SDC4: variants seen among roughly 807,000 people sequenced by gnomAD.
SDC4 encodes syndecan 4.
A neutral mutation model predicts 20.5 loss-of-function variants in SDC4; 17 were observed. The ratio of observed to expected loss-of-function variants is 0.83; its 90% CI spans 0.57 to 1.25. SDC4 has a LOEUF of 1.25. Among genes scored for constraint, SDC4 ranks in the 50% most tolerant of loss-of-function variants. The pLI, the probability that SDC4 is intolerant of heterozygous loss-of-function variation, is 0.00. For synonymous variants in SDC4, 107 were observed against 105.3 expected (o/e 1.02, Z -0.10); for missense variants, 241 against 252.3 (o/e 0.96, Z 0.30).
At chr20:45,328,856 C>T (rs1987734022) in intron 4 of SDC4, among the ~76,000 whole-genome samples, 1 of 152,198 alleles carries the variant, frequency 6.6e-6, no homozygotes, top group African/African-American at 2.4e-5. Flanking sequence ...CCAGAGCAAG[C>T]ACATGGAATA....
chr20:45,330,876 T>C (rs900468780), intron 3 of SDC4, among the ~76,000 whole-genome samples: 7 of 152,238 alleles, frequency 4.6e-5, no homozygotes, highest in African/African-American at 1.4e-4. Context: ...GGCAAAACCT[T>C]AGACATCGCT....
intron 4 of SDC4, among the ~76,000 whole-genome samples, chr20:45,328,898 C>G (rs1478879586): frequency 1.3e-5 from 2 of 152,218 alleles, no homozygotes; most frequent in Non-Finnish European, 2.9e-5. Context: ...GTCTCTATCA[C>G]CTTTCCCTCT....
intron 1 of SDC4, among the ~76,000 whole-genome samples, chr20:45,336,478 C>T (rs1987870507): frequency 6.6e-6 from 1 of 152,146 alleles, no homozygotes; most frequent in South Asian, 2.1e-4. Context: ...TATCCTTTAC[C>T]GAGCACTTGC....
At chr20:45,331,653 C>T (rs1403128738) in intron 3 of SDC4, among the ~76,000 whole-genome samples, 3 of 152,204 alleles carry the variant, frequency 2.0e-5, no homozygotes, top group African/African-American at 7.2e-5. Context: ...CTGTTGGTCT[C>T]ACTGCTCATT....
chr20:45,331,386 C>T (rs1219266137), intron 3 of SDC4, among the ~76,000 whole-genome samples: 4 of 152,088 alleles, frequency 2.6e-5, no homozygotes, highest in African/African-American at 9.7e-5. Context: ...CTCTGCAACC[C>T]TTAGGATTAA....
At chr20:45,335,952 C>T in intron 1 of SDC4, 32 bp from the exon 2 acceptor site, 2 of 1,602,226 alleles carry the variant, frequency 1.2e-6, no homozygotes, top group Non-Finnish European at 1.7e-6. Context: ...CATCAGCCAA[C>T]ATCCCCAGTG....
chr20:45,333,946 A>T (rs1987820332), intron 2 of SDC4, among the ~76,000 whole-genome samples: 1 of 106,714 alleles, frequency 9.4e-6, no homozygotes, highest in African/African-American at 3.3e-5. Context: ...TTCATTGGTT[A>T]AAAAAAAAAG....
At chr20:45,335,053 C>T (rs944185516) in intron 2 of SDC4, among the ~76,000 whole-genome samples, 1 of 152,232 alleles carries the variant, frequency 6.6e-6, no homozygotes, top group Non-Finnish European at 1.5e-5. Context: ...AGCTGTCTGG[C>T]CTAGAGGCCT....
Position 45,336,001 on chromosome 20 carries a change from C to T in SDC4, c.61-81G>A, listed in dbSNP as rs565736475. 1.7e-5 allele frequency: 25 copies of T among 1,488,800 alleles called. 1 individual carries two copies. In the African/African-American group the frequency reaches 1.8e-4, roughly 11 times the overall value. The allele number at this position is 1,488,800 out of a possible 1,614,324, so 92.2% of individuals were successfully genotyped here. A position where few individuals can be genotyped will look rare whatever the true frequency, so the allele number is the denominator to read the frequency against. On this transcript the variant is annotated intron_variant, in intron 1 of 4. Coordinates refer to ENST00000372733, the MANE Select transcript of SDC4 (RefSeq NM_002999.4). ...GATGCCCAAAAGCTAGTGAAGTGGG[C>T]ATTCAGAAACTAGAAAGAGACCAGG...
In SDC4 at chr20:45,327,339, C is replaced by A. The variant is rs770380940; in HGVS notation, c.522G>T (p.Lys174Asn). 25 of 1,614,068 alleles carry A rather than the reference C, an allele frequency of 1.5e-5. No individual in the cohort carries two copies. The South Asian group carries it at 2.5e-4, about 16-fold the overall frequency. Residue 174 changes from lysine (K) to asparagine (N), a missense_variant, in exon 5 of 5, where the codon AAG becomes AAT. By Grantham distance (94) the Lys-to-Asn change is moderately conservative (BLOSUM62 0). Transcript: ENST00000372733. The part of the protein sequence containing the change: ...LILLLMYRMK[K>N]KDEGSYDLGK... ...CCAGGTCATAGCTGCCTTCATCCTT[C>A]TTCTTCATACGGTACATGAGCAGTA...
intron 1 of SDC4, among the ~76,000 whole-genome samples, chr20:45,339,230 G>A (rs1987919842): frequency 6.6e-6 from 1 of 152,222 alleles, no homozygotes; most frequent in African/African-American, 2.4e-5. Context: ...AGCCCATTGA[G>A]TCTGGGGTGA....
In SDC4 at chr20:45,335,757, C is replaced by T. The variant is rs369827423; in HGVS notation, c.199+25G>A. 5.1e-5 allele frequency: 82 copies of T among 1,611,248 alleles called. 1 individual carries two copies. The highest frequency in any genetic ancestry group is 4.7e-4 in the East Asian group (21 of 44,846). On this transcript the variant is annotated intron_variant, in intron 2 of 4. Transcript: ENST00000372733. ...ACCACTCCCTCCAGCTTTGTGCCTA[C>T]GCCTGCCCAGCACACCTTCCGTACC...
Position 45,327,202 on chromosome 20 carries a change from C to T in SDC4, c.*62G>A. On this transcript the variant is annotated 3_prime_UTR_variant, in exon 5 of 5. Coordinates refer to ENST00000372733, the MANE Select transcript of SDC4 (RefSeq NM_002999.4). ...TGACCTCACCCTACCCTAATGTCCA[C>T]CCTTCAAAATCCCCTGGCTTCCCTC... 3 of 1,593,562 alleles carry T rather than the reference C, an allele frequency of 1.9e-6. No individual in the cohort carries two copies. The highest frequency in any genetic ancestry group is 2.6e-6 in the Non-Finnish European group (3 of 1,163,842).
intron 1 of SDC4, among the ~76,000 whole-genome samples, chr20:45,340,660 A>G (rs1161453446): frequency 6.6e-6 from 1 of 152,210 alleles, no homozygotes; most frequent in Non-Finnish European, 1.5e-5. Flanking sequence ...AACTAATGAG[A>G]GCCTCTCCCG....
chr20:45,346,337 G>C (rs1206222058), intron 1 of SDC4, among the ~76,000 whole-genome samples: 2 of 152,198 alleles, frequency 1.3e-5, no homozygotes, highest in Non-Finnish European at 2.9e-5. Flanking sequence ...AGGAAGGGGA[G>C]AGCTGAGGTC....
intron 1 of SDC4, among the ~76,000 whole-genome samples, chr20:45,346,476 G>A (rs1397727695): frequency 6.6e-6 from 1 of 152,166 alleles, no homozygotes; most frequent in African/African-American, 2.4e-5. Flanking sequence ...AATGCCCCCA[G>A]GACACAGCTG....
At chr20:45,345,142 T>C (rs986298548) in intron 1 of SDC4, 1 of 152,196 alleles carries the variant, frequency 6.6e-6, no homozygotes, top group African/African-American at 2.4e-5. Flanking sequence ...ATTTATTCAT[T>C]CATACAAGCA....
intron 1 of SDC4, among the ~76,000 whole-genome samples, chr20:45,342,689 G>C (rs1407787740): frequency 6.6e-6 from 1 of 152,084 alleles, no homozygotes; most frequent in African/African-American, 2.4e-5. Context: ...CAAGAACAAG[G>C]CTGGGAAGTG....
At chr20:45,327,441 G>A (rs752878429) in intron 4 of SDC4, 26 bp from the exon 5 acceptor site, 38 of 1,605,740 alleles carry the variant, frequency 2.4e-5, no homozygotes, top group East Asian at 4.5e-5. Context: ...GAGAAGAGGC[G>A]GGGGTGAGAG....
Sources: allele counts gnomAD v4.1 joint callset (sites outside exome capture counted in the v4.1 genomes callset), GRCh38; gene constraint gnomAD v4.1.1; transcripts MANE v1.5; gene names NCBI Gene and HGNC (gene_info 2026-07-23, HGNC 2026-07-21).